NEK1: variants seen among roughly 807,000 people sequenced by gnomAD.
NEK1 encodes the protein serine/threonine-protein kinase Nek1.
A neutral mutation model predicts 182.1 loss-of-function variants in NEK1; 137 were observed. That is an observed-to-expected ratio of 0.75 (90% CI 0.65 to 0.87). The LOEUF (loss-of-function observed/expected upper bound fraction) is 0.87, where lower values mean the gene tolerates loss of function less well. Among genes scored for constraint, NEK1 ranks in the 40% least tolerant of loss-of-function variants. The pLI, the probability that NEK1 is intolerant of heterozygous loss-of-function variation, is 0.00. For synonymous variants in NEK1, 513 were observed against 492.2 expected, an observed-to-expected ratio of 1.04 and a Z score of -0.56; for missense variants, 1,391 against 1,494.4, an observed-to-expected ratio of 0.93 and a Z score of 1.14.
At chr4:169,406,894 T>C in intron 31 of NEK1, 147 bp from the exon 32 acceptor site, 1 of 329,444 alleles carries the variant, frequency 3.0e-6, no homozygotes. Flanking sequence ...CATATATATG[T>C]AACATATAAA....
chr4:169,535,880 C>CA (rs58257441), intron 19 of NEK1, among the ~76,000 whole-genome samples: 29,252 of 84,614 alleles, frequency 0.35, 3,480 homozygotes, highest in African/African-American at 0.36. Context: ...AACTCCGTGT[C>CA]AAAAAAAAAA....
chr4:169,545,233 G>A (rs1418908816), intron 18 of NEK1, among the ~76,000 whole-genome samples: 1 of 127,206 alleles, frequency 7.9e-6, no homozygotes, highest in Non-Finnish European at 1.6e-5. Flanking sequence ...TCCCCAGAGT[G>A]TGGTATTCCC....
rs754206974 is a variant in NEK1 at position 169,433,659 on chromosome 4, T to C, written c.2771A>G (p.Asp924Gly). Reference sequence around the variant, plus strand: ...TTGTAGAATTTCTGTTTCCAAATCATCAGGTTCTGCAAAGGATAAACGTAA... The same window carrying C: ...TTGTAGAATTTCTGTTTCCAAATCACCAGGTTCTGCAAAGGATAAACGTAA... Reference protein sequence around the residue: ...LKLEGNLEEPDDLETEILQEP... With the variant: ...LKLEGNLEEPGDLETEILQEP... Residue 924 changes from aspartate to glycine, a missense_variant, in exon 29 of 36, where the codon GAT (aspartate) becomes GGT (glycine). Asp to Gly is a moderately conservative substitution (Grantham distance 94). Coordinates refer to ENST00000507142, the MANE Select transcript of NEK1 (RefSeq NM_001199397.3). 1.2e-6 allele frequency: 2 copies of C among 1,613,338 alleles called. No individual in the cohort carries two copies. The highest frequency in any genetic ancestry group is 1.7e-6 in the Non-Finnish European group (2 of 1,179,528).
intron 22 of NEK1, 143 bp from the exon 23 acceptor site, chr4:169,507,275 G>T: frequency 1.9e-6 from 1 of 518,370 alleles, no homozygotes; most frequent in Non-Finnish European, 3.2e-6. Flanking sequence ...AAAAATGTAA[G>T]CTCACTCTAA....
chr4:169,436,179 C>T (rs1276225656), intron 28 of NEK1, among the ~76,000 whole-genome samples: 1 of 152,232 alleles, frequency 6.6e-6, no homozygotes, highest in Non-Finnish European at 1.5e-5. Flanking sequence ...GCCGGGATTA[C>T]AGGTGTGAGC....
intron 4 of NEK1, among the ~76,000 whole-genome samples, chr4:169,600,158 G>A (rs1337626883): frequency 6.6e-6 from 1 of 152,002 alleles, no homozygotes; most frequent in African/African-American, 2.4e-5. Context: ...AGTTTTCCTA[G>A]TTCTCACTTC....
intron 27 of NEK1, among the ~76,000 whole-genome samples, chr4:169,448,323 T>G (rs964768842): frequency 1.3e-5 from 2 of 152,216 alleles, no homozygotes; most frequent in Admixed American, 1.3e-4. Flanking sequence ...GAGTCTTTAT[T>G]AGTTTTTTAT....
Position 169,529,034 on chromosome 4 carries a change from C to T in NEK1, c.1665+8775G>A, listed in dbSNP as rs558009379. Among the ~76,000 whole-genome samples the T allele has an allele frequency of 5.9e-5, 9 of 152,112 alleles. No homozygotes were observed. The East Asian group carries it at 1.5e-3, about 26-fold the overall frequency. On this transcript the variant is annotated intron_variant, in intron 19 of 35. Coordinates refer to ENST00000507142, the MANE Select transcript of NEK1 (RefSeq NM_001199397.3). The stretch of plus-strand genomic sequence containing the variant: ...TTTTACGTAATCCATGGGCCAAAGA[C>T]GATATCTCAAGAAAAATTAGAATAC...
chr4:169,607,674 A>G (rs1270106509), intron 2 of NEK1, among the ~76,000 whole-genome samples: 5 of 152,038 alleles, frequency 3.3e-5, no homozygotes, highest in South Asian at 2.1e-4. Flanking sequence ...CGTGTTAGCC[A>G]GGATGGTCTC....
At chr4:169,412,532 T>C (rs1431533993) in intron 31 of NEK1, among the ~76,000 whole-genome samples, 2 of 152,220 alleles carry the variant, frequency 1.3e-5, no homozygotes, top group South Asian at 2.1e-4. Context: ...TCTTCTACTA[T>C]TGGACTTCTT....
At chr4:169,551,894 G>A (rs1361268399) in intron 18 of NEK1, among the ~76,000 whole-genome samples, 2 of 152,066 alleles carry the variant, frequency 1.3e-5, no homozygotes, top group Non-Finnish European at 2.9e-5. Flanking sequence ...TGAGAACCCT[G>A]TATGAAAGGA....
chr4:169,480,699 CT>C (rs1561264653), intron 23 of NEK1, among the ~76,000 whole-genome samples: 1 of 152,104 alleles, frequency 6.6e-6, no homozygotes, highest in East Asian at 1.9e-4. Context: ...CATCCATTGA[CT>C]CTTTCATGAA....
At chr4:169,468,092 A>AC (rs1745262602) in intron 26 of NEK1, among the ~76,000 whole-genome samples, 1 of 152,030 alleles carries the variant, frequency 6.6e-6, no homozygotes, top group Admixed American at 6.6e-5. Context: ...TAAAGCAAAG[A>AC]TTTTTTTAAA....
chr4:169,466,509 T>C (rs954955017), intron 26 of NEK1, among the ~76,000 whole-genome samples: 3 of 152,010 alleles, frequency 2.0e-5, no homozygotes, highest in Non-Finnish European at 4.4e-5. Flanking sequence ...TGGAGCAGCA[T>C]CATTAAAGTA....
At chr4:169,596,878 A>C (rs962973745) in intron 5 of NEK1, among the ~76,000 whole-genome samples, 2 of 152,206 alleles carry the variant, frequency 1.3e-5, no homozygotes, top group Non-Finnish European at 2.9e-5. Flanking sequence ...TATTAACTTA[A>C]AAGAATGGCT....
intron 27 of NEK1, among the ~76,000 whole-genome samples, chr4:169,458,009 A>C (rs749632641): frequency 2.3e-4 from 35 of 151,898 alleles, no homozygotes; most frequent in Non-Finnish European, 4.4e-4. Flanking sequence ...GATTTAACAT[A>C]ATCCCAGCCA....
intron 11 of NEK1, among the ~76,000 whole-genome samples, chr4:169,578,513 C>T (rs1766076725): frequency 6.6e-6 from 1 of 152,076 alleles, no homozygotes; most frequent in African/African-American, 2.4e-5. Context: ...TACGACTAAA[C>T]TCAGTTCTTC....
At chr4:169,418,105 T>C (rs1734845689) in intron 31 of NEK1, among the ~76,000 whole-genome samples, 1 of 152,114 alleles carries the variant, frequency 6.6e-6, no homozygotes, top group African/African-American at 2.4e-5. Flanking sequence ...CTCATGCAGG[T>C]AGGAGATGAT....
intron 30 of NEK1, among the ~76,000 whole-genome samples, chr4:169,425,065 T>A (rs1326404725): frequency 6.6e-6 from 1 of 152,256 alleles, no homozygotes; most frequent in African/African-American, 2.4e-5. Context: ...GTGGGCATGG[T>A]GGCTAATGCC....
Sources: gnomAD v4.1 joint callset for allele counts (sites outside exome capture counted in the v4.1 genomes callset) on GRCh38, gnomAD v4.1.1 for gene constraint, MANE v1.5 for transcripts, NCBI Gene and HGNC (gene_info 2026-07-23, HGNC 2026-07-21) for gene names.